Variants in TRMT2B observed in about 807,000 individuals in gnomAD.
The protein encoded by TRMT2B is tRNA (uracil-5-)-methyltransferase homolog B.
Under a neutral mutation model 39.7 loss-of-function variants are expected in TRMT2B, and 34 were observed. That is an observed-to-expected ratio of 0.86 (90% confidence interval 0.65 to 1.14). The LOEUF (loss-of-function observed/expected upper bound fraction) is 1.14, where lower values mean the gene tolerates loss of function less well. TRMT2B is among the 50% of genes most tolerant of loss of function. The pLI, the probability that TRMT2B is intolerant of heterozygous loss-of-function variation, is 0.00. For missense variants in TRMT2B, 318 were observed against 377.2 expected, an observed-to-expected ratio of 0.84 and a Z score of 1.30; for synonymous variants, 132 against 137.3, an observed-to-expected ratio of 0.96 and a Z score of 0.27.
At chrX:100,977,415 C>CTGT in the TRMT2B span, among the ~76,000 whole-genome samples, 17 of 81,765 alleles carry the variant, frequency 2.1e-4, 1 homozygote, top group Non-Finnish European at 1.9e-4. Flanking sequence ...GAGTCTCGTT[C>CTGT]TGTTGCTCAG....
chrX:101,007,442 T>C (rs1188333431), downstream of TRMT2B, among the ~76,000 whole-genome samples: 1 of 111,284 alleles, frequency 9.0e-6, no homozygotes, highest in Admixed American at 9.6e-5. Context: ...AGGTCAGCGG[T>C]TCGAGACCAG....
intron 7 of TRMT2B, among the ~76,000 whole-genome samples, chrX:101,024,879 C>T (rs143565911): frequency 9.1e-6 from 1 of 109,383 alleles, no homozygotes; most frequent in African/African-American, 3.3e-5. Context: ...CGCCTGTAGC[C>T]CCAGCTACTC....
rs773196324 is a variant in TRMT2B, at chrX:101,041,271, C to T, written c.303+46G>A. 21 of 1,124,628 alleles carry T rather than the reference C, an allele frequency of 1.9e-5. No individual in the cohort carries two copies. The South Asian group carries it at 3.9e-4, about 21-fold the overall frequency. 92.7% of individuals were successfully genotyped at this position (1,124,628 alleles called of 1,213,427 possible). ...AATCAAGCTTCCTACGAGTCCAGCA[C>T]CATTCTCCTGGAAAGGAGGGGTAAA... On this transcript the variant is annotated intron_variant, in intron 4 of 13. Transcript: ENST00000372936.
chrX:101,009,949 T>G lies in TRMT2B; in HGVS notation c.*632A>C, dbSNP rs2086184167. ...CAGTCAATGTAAAATTATTACCAGC[T>G]GCTTAAAAAAGGTCATTTGTCCACA... On this transcript the variant is annotated 3_prime_UTR_variant, in exon 14 of 14. Coordinates refer to ENST00000372936, the MANE Select transcript of TRMT2B (RefSeq NM_024917.6). 1 of 110,088 alleles carries G rather than the reference T, an allele frequency of 9.1e-6. No individual in the cohort carries two copies. The highest frequency in any genetic ancestry group is 3.9e-4 in the South Asian group (1 of 2,593). The allele number at this position is 110,088 out of a possible 1,213,427, so 9.1% of individuals were successfully genotyped here. A position where few individuals can be genotyped will look rare whatever the true frequency, so the allele number is the denominator to read the frequency against.
At chrX:101,012,501 T>C (rs1453771779) in intron 13 of TRMT2B, among the ~76,000 whole-genome samples, 2 of 76,489 alleles carry the variant, frequency 2.6e-5, no homozygotes, top group Non-Finnish European at 4.6e-5. Flanking sequence ...GTCCCCAGAG[T>C]GTGATGGTCC....
the TRMT2B span, among the ~76,000 whole-genome samples, chrX:100,985,178 G>C: frequency 8.9e-6 from 1 of 112,109 alleles, no homozygotes; most frequent in Non-Finnish European, 1.9e-5. Context: ...CCCAGGGCAA[G>C]AGAGAGCAAG....
the TRMT2B span, chrX:100,986,910 C>G: frequency 9.1e-7 from 1 of 1,100,261 alleles, no homozygotes; most frequent in Admixed American, 2.3e-5. Flanking sequence ...TAGTAAGTGT[C>G]AACCTCTTCC....
the TRMT2B span, among the ~76,000 whole-genome samples, chrX:100,982,229 G>T: frequency 1.8e-5 from 2 of 111,130 alleles, no homozygotes; most frequent in Non-Finnish European, 3.8e-5. Flanking sequence ...GGTAGCTCAC[G>T]CCTGTAATCC....
intron 2 of TRMT2B, among the ~76,000 whole-genome samples, chrX:101,043,379 G>A (rs1393072411): frequency 1.8e-5 from 2 of 111,871 alleles, no homozygotes; most frequent in African/African-American, 6.5e-5. Flanking sequence ...AGACCAGCCT[G>A]GCCAACATGG....
intron 11 of TRMT2B, 84 bp downstream of exon 11, chrX:101,020,403 T>A: frequency 1.3e-6 from 1 of 779,222 alleles, no homozygotes; most frequent in Non-Finnish European, 2.0e-6. Flanking sequence ...AGGGATACAG[T>A]AGTTGCCTTT....
chrX:101,051,151 G>C lies in TRMT2B; in HGVS notation c.-24+100C>G, dbSNP rs972985358. ...CTATACCTGCCTCAGGAATTGATCA[G>C]GAAGAGTCCTGGAGTCCAGAGTAGC... On this transcript the variant is annotated intron_variant, in intron 2 of 13. Transcript: ENST00000372936. 8.2e-6 allele frequency: 3 copies of C among 367,879 alleles called. No individual in the cohort carries two copies. In the African/African-American group the frequency reaches 8.5e-5, roughly 10 times the overall value. 30.3% of individuals were successfully genotyped at this position (367,879 alleles called of 1,213,427 possible).
chrX:101,044,103 G>A (rs1204435889), intron 2 of TRMT2B, among the ~76,000 whole-genome samples: 2 of 109,909 alleles, frequency 1.8e-5, no homozygotes, highest in Non-Finnish European at 3.8e-5. Flanking sequence ...TTAGCCAGGC[G>A]TGGCGGCAGG....
the TRMT2B span, chrX:100,974,173 G>A: frequency 8.4e-7 from 1 of 1,191,955 alleles, no homozygotes; most frequent in Admixed American, 2.3e-5. Flanking sequence ...TGGCAAAACT[G>A]TTCTTGTGGA....
chrX:101,035,769 A>C, intron 6 of TRMT2B, 86 bp from the exon 7 acceptor site: 1 of 795,137 alleles, frequency 1.3e-6, no homozygotes, highest in South Asian at 2.2e-5. Flanking sequence ...TTCTATCGTC[A>C]AAGTGGCATA....
chrX:101,028,451 T>C (rs759658635), intron 7 of TRMT2B, among the ~76,000 whole-genome samples: 1 of 110,916 alleles, frequency 9.0e-6, no homozygotes, highest in African/African-American at 3.3e-5. Context: ...TCTCACTCAA[T>C]CCATCAGGAA....
rs767825834 is a variant in TRMT2B, at chrX:101,041,350, T to G, written c.270A>C (p.Pro90=). 2.5e-6 allele frequency: 3 copies of G among 1,207,666 alleles called. No individual in the cohort carries two copies. The highest frequency in any genetic ancestry group is 3.4e-6 in the Non-Finnish European group (3 of 894,251). Residue 90 remains proline, a synonymous_variant, in exon 4 of 14, where the codon CCA becomes CCC. Coordinates refer to ENST00000372936, the MANE Select transcript of TRMT2B (RefSeq NM_024917.6). ...WQERLADVVT[P]LWRLSYEEQL... ...GTTCTTCATAGCTCAACCTCCAGAG[T>G]GGTGTCACAACATCAGCCAGCCTTG...
the TRMT2B span, among the ~76,000 whole-genome samples, chrX:100,998,055 G>A: frequency 1.8e-5 from 2 of 110,654 alleles, no homozygotes; most frequent in Non-Finnish European, 3.8e-5. Flanking sequence ...AGGCGTTTGA[G>A]ACCAGCCTGG....
intron 13 of TRMT2B, among the ~76,000 whole-genome samples, chrX:101,011,470 G>A (rs2086250126): frequency 8.9e-6 from 1 of 111,999 alleles, no homozygotes; most frequent in African/African-American, 3.2e-5. Flanking sequence ...AAAATTAGTT[G>A]GGTGTGGTAG....
At chrX:100,993,237 A>G in the TRMT2B span, among the ~76,000 whole-genome samples, 6 of 112,001 alleles carry the variant, frequency 5.4e-5, no homozygotes, top group Non-Finnish European at 9.4e-5. Context: ...GCTCCTAAAA[A>G]TCCAGATCTC....
Sources: allele counts gnomAD v4.1 joint callset (sites outside exome capture counted in the v4.1 genomes callset), GRCh38; gene constraint gnomAD v4.1.1; transcripts MANE v1.5; gene names NCBI Gene and HGNC (gene_info 2026-07-23, HGNC 2026-07-21).